The following STIM1 variants were observed in gnomAD, a reference collection of about 807,000 sequenced individuals.
The protein encoded by STIM1 is stromal interaction molecule 1.
A neutral mutation model predicts 74.7 loss-of-function variants in STIM1; 25 were observed. That is an observed-to-expected ratio of 0.33 (90% CI 0.24 to 0.47). STIM1 has a LOEUF of 0.47. Among genes scored for constraint, STIM1 ranks in the 20% least tolerant of loss-of-function variants. The pLI is 1.00. For missense variants in STIM1, 728 were observed against 920.8 expected (o/e 0.79, Z 2.71); for synonymous variants, 328 against 348.8 (o/e 0.94, Z 0.66).
chr11:4,091,427 G>A lies in STIM1; in HGVS notation c.1780G>A (p.Val594Ile), dbSNP rs1293438304. Reference sequence around the variant, plus strand: ...TGGCAGCCACCGGCTGATCGAGGGGGTCCACCCAGGGTCTCTGGTGGAGAA... The same window carrying A: ...TGGCAGCCACCGGCTGATCGAGGGGATCCACCCAGGGTCTCTGGTGGAGAA... ...SNGSHRLIEG[V>I]HPGSLVEKLP... The change falls in exon 13 of 13, where the codon GTC becomes ATC. Residue 594 changes from valine (V) to isoleucine (I), a missense_variant. Transcript: ENST00000526596. 3.1e-6 allele frequency: 5 copies of A among 1,614,194 alleles called. No individual in the cohort carries two copies. Among genetic ancestry groups the A allele is most frequent in the Admixed American group, 3.3e-5 (2 of 60,032 alleles).
intron 7 of STIM1, among the ~76,000 whole-genome samples, chr11:4,079,741 C>G (rs2094455655): frequency 6.6e-6 from 1 of 152,200 alleles, no homozygotes; most frequent in Non-Finnish European, 1.5e-5. Context: ...CTCCCATGAC[C>G]TACCATATCC....
At chr11:3,858,460 C>T (rs1361047545) in intron 1 of STIM1, among the ~76,000 whole-genome samples, 2 of 152,022 alleles carry the variant, frequency 1.3e-5, no homozygotes, top group African/African-American at 2.4e-5. Context: ...TCAGAGAGAC[C>T]CTAGGTGCTG....
intron 2 of STIM1, among the ~76,000 whole-genome samples, chr11:4,006,381 T>A (rs1383173992): frequency 6.6e-6 from 1 of 152,212 alleles, no homozygotes; most frequent in Non-Finnish European, 1.5e-5. Context: ...TCTTTTCTTA[T>A]AAATTACCCA....
intron 1 of STIM1, among the ~76,000 whole-genome samples, chr11:3,913,166 C>T (rs1010566635): frequency 5.9e-5 from 9 of 152,072 alleles, no homozygotes; most frequent in Non-Finnish European, 1.2e-4. Flanking sequence ...AGTGAGGCAT[C>T]AAATTGCTGC....
chr11:3,916,113 G>C (rs10835291), intron 1 of STIM1, among the ~76,000 whole-genome samples: 71,556 of 151,902 alleles, frequency 0.47, 17,004 homozygotes, highest in South Asian at 0.54. Flanking sequence ...TCAAAGCCAA[G>C]GTTATGAAGA....
At chr11:4,047,678 A>G (rs2094204402) in intron 3 of STIM1, among the ~76,000 whole-genome samples, 1 of 152,032 alleles carries the variant, frequency 6.6e-6, no homozygotes, top group South Asian at 2.1e-4. Context: ...TTAGCCTAGC[A>G]TGGTAGTAGT....
chr11:4,087,235 A>G (rs559685438), intron 12 of STIM1, among the ~76,000 whole-genome samples: 1 of 152,290 alleles, frequency 6.6e-6, no homozygotes, highest in South Asian at 2.1e-4. Context: ...TTCACTGGTG[A>G]TAAGATACAA....
At chr11:4,027,354 T>C (rs1381016478) in intron 3 of STIM1, among the ~76,000 whole-genome samples, 2 of 152,032 alleles carry the variant, frequency 1.3e-5, no homozygotes, top group Non-Finnish European at 2.9e-5. Context: ...CTCTGTCACC[T>C]GGGCTGGAGT....
intron 12 of STIM1, among the ~76,000 whole-genome samples, chr11:4,090,443 C>T (rs2094517488): frequency 6.6e-6 from 1 of 152,220 alleles, no homozygotes; most frequent in African/African-American, 2.4e-5. Context: ...GCACCACAGA[C>T]TTTGGTTTGA....
At chr11:3,868,684 T>G (rs2090962773) in intron 1 of STIM1, among the ~76,000 whole-genome samples, 2 of 152,212 alleles carry the variant, frequency 1.3e-5, no homozygotes, top group African/African-American at 4.8e-5. Flanking sequence ...GTATTTTACT[T>G]ATGAATTCTG....
intron 1 of STIM1, among the ~76,000 whole-genome samples, chr11:3,896,287 T>C (rs963614305): frequency 1.3e-5 from 2 of 152,078 alleles, no homozygotes; most frequent in African/African-American, 4.8e-5. Flanking sequence ...TACTAGGCAA[T>C]GGGTAAGGTG....
chr11:3,945,144 T>A (rs113412565), intron 1 of STIM1, among the ~76,000 whole-genome samples: 36 of 152,210 alleles, frequency 2.4e-4, no homozygotes, highest in Non-Finnish European at 5.3e-4. Flanking sequence ...AAGTTACTTA[T>A]CTCTCTGTGC....
intron 2 of STIM1, among the ~76,000 whole-genome samples, chr11:3,993,250 G>A (rs2093632071): frequency 6.6e-6 from 1 of 152,150 alleles, no homozygotes; most frequent in Non-Finnish European, 1.5e-5. Context: ...ACTCTTTGGT[G>A]TTCCTTCATA....
At chr11:4,051,077 A>C (rs920359490) in intron 3 of STIM1, among the ~76,000 whole-genome samples, 2 of 151,774 alleles carry the variant, frequency 1.3e-5, no homozygotes, top group African/African-American at 4.9e-5. Context: ...AGGCACACTC[A>C]GTATACCTTT....
intron 1 of STIM1, among the ~76,000 whole-genome samples, chr11:3,955,553 G>A (rs2093201739): frequency 6.6e-6 from 1 of 152,072 alleles, no homozygotes; most frequent in Non-Finnish European, 1.5e-5. Context: ...TTTTATTTCA[G>A]TGGTAGTTAC....
At position 3,992,172 on chromosome 11, in the gene STIM1, T is replaced by C. The variant is rs1212213789; in HGVS notation, c.270+24490T>C. 2.7e-5 allele frequency among the ~76,000 whole-genome samples: 4 copies of C among 146,130 alleles called. No homozygotes were observed. The South Asian group carries it at 6.6e-4, about 24-fold the overall frequency. On this transcript the variant is annotated intron_variant, in intron 2 of 12. Transcript: ENST00000526596. ...GCTCATGCCTGTAATCCCAGCGCTT[T>C]GGGTGGCGGGTGGATTGCCTGAAGC...
chr11:4,042,653 T>C (rs559669985), intron 3 of STIM1, among the ~76,000 whole-genome samples: 1 of 152,350 alleles, frequency 6.6e-6, no homozygotes, highest in African/African-American at 2.4e-5. Flanking sequence ...CTTGACCCTA[T>C]ATATAACTCT....
chr11:3,859,291 G>A (rs113072062), intron 1 of STIM1, among the ~76,000 whole-genome samples: 95 of 152,308 alleles, frequency 6.2e-4, no homozygotes, highest in African/African-American at 2.1e-3. Context: ...TCACTGGGCC[G>A]TGGAGAGGCC....
intron 1 of STIM1, among the ~76,000 whole-genome samples, chr11:3,883,343 A>G (rs956583533): frequency 6.6e-6 from 1 of 151,254 alleles, no homozygotes; most frequent in African/African-American, 2.4e-5. Context: ...ATGGGACACC[A>G]TTTTTTTTGT....
Sources: gnomAD v4.1 joint callset for allele counts (sites outside exome capture counted in the v4.1 genomes callset) on GRCh38, gnomAD v4.1.1 for gene constraint, MANE v1.5 for transcripts, NCBI Gene and HGNC (gene_info 2026-07-23, HGNC 2026-07-21) for gene names.